MANSC1: variants seen among roughly 807,000 people sequenced by gnomAD.
MANSC1 encodes the protein MANSC domain-containing protein 1.
Under a neutral mutation model 14.1 loss-of-function variants are expected in MANSC1, and 13 were observed. That is an observed-to-expected ratio of 0.92 (90% CI 0.60 to 1.46). The LOEUF (loss-of-function observed/expected upper bound fraction) is 1.46, where lower values mean the gene tolerates loss of function less well. Ranked by LOEUF, MANSC1 falls within the 40% of genes most tolerant of loss-of-function variation. MANSC1 has a pLI of 0.00. For synonymous variants in MANSC1, 227 were observed against 200.7 expected (o/e 1.13, Z -1.11); for missense variants, 486 against 511.4 (o/e 0.95, Z 0.48).
At chr12:12,346,013 C>A (rs1219181313) in intron 1 of MANSC1, among the ~76,000 whole-genome samples, 2 of 152,166 alleles carry the variant, frequency 1.3e-5, no homozygotes, top group Non-Finnish European at 2.9e-5. Context: ...ATGGCTCAAG[C>A]CTGTAATCCC....
intron 2 of MANSC1, among the ~76,000 whole-genome samples, chr12:12,341,039 C>T (rs957060811): frequency 5.9e-5 from 9 of 152,148 alleles, no homozygotes; most frequent in Non-Finnish European, 1.2e-4. Flanking sequence ...CTGACACCAA[C>T]TATCCAGAGC....
At chr12:12,331,724 GGGCCAGGCAGGGTCT>G (rs1325992999) in intron 3 of MANSC1, among the ~76,000 whole-genome samples, 3 of 152,090 alleles carry the variant, frequency 2.0e-5, no homozygotes, top group Non-Finnish European at 2.9e-5. Context: ...GGAGGAGGAG[GGGCCAGGCAGGGTCT>G]GGTCTCCGCT....
At position 12,330,666 on chromosome 12, in the gene MANSC1, C is replaced by G. The variant is rs772521152; in HGVS notation, c.657G>C (p.Leu219=). ...CTGGGAGCGCACTCACATTTTCAGG[C>G]AGCAGATGAGCTATTTCTTGATCAG... is the stretch of plus-strand genomic sequence containing the variant. ...FSSDQEIAHL[L]PENVSALPAT... The change falls in exon 4 of 4, where the codon CTG becomes CTC. Residue 219 remains leucine, a synonymous_variant. Coordinates refer to ENST00000535902, the MANE Select transcript of MANSC1 (RefSeq NM_018050.4). 6.2e-7 allele frequency: 1 copy of G among 1,614,100 alleles called. No individual in the cohort carries two copies. Among genetic ancestry groups the G allele is most frequent in the African/African-American group, 1.3e-5 (1 of 74,930 alleles).
chr12:12,339,634 T>C (rs1037871952), intron 2 of MANSC1, among the ~76,000 whole-genome samples: 5 of 152,206 alleles, frequency 3.3e-5, no homozygotes, highest in Non-Finnish European at 4.4e-5. Flanking sequence ...TAAATTATCA[T>C]AGATATCATG....
At chr12:12,333,714 T>A (rs530627132) in intron 3 of MANSC1, among the ~76,000 whole-genome samples, 1 of 152,320 alleles carries the variant, frequency 6.6e-6, no homozygotes, top group South Asian at 2.1e-4. Context: ...TTCAAACGAC[T>A]TCACTGAGTT....
rs1565791886 is a variant in MANSC1, at chr12:12,330,455, C to G, written c.868G>C (p.Ala290Pro). 1 of 1,614,122 alleles carries G rather than the reference C, an allele frequency of 6.2e-7. No individual in the cohort carries two copies. The change falls in exon 4 of 4, where the codon GCT (alanine) becomes CCT (proline). Residue 290 changes from alanine to proline, a missense_variant. Transcript: ENST00000535902. ...GCCATTGCTTGGAGTGTAGCCGCAG[C>G]CCGTGTAAAAACTGTAGAAATGAGG... is the stretch of plus-strand genomic sequence containing the variant. ...TTLISTVFTR[A>P]AATLQAMATT...
rs116021459 is a variant in MANSC1, at chr12:12,331,007, C to T, written c.365-49G>A. The T allele has an allele frequency of 2.5e-3, 2,894 of 1,161,752 alleles. 65 individuals carry two copies. In the African/African-American group the frequency reaches 0.04, roughly 16 times the overall value. 72.0% of individuals were successfully genotyped at this position (1,161,752 alleles called of 1,614,324 possible). A position where few individuals can be genotyped will look rare whatever the true frequency, so the allele number is the denominator to read the frequency against. ...GGAAGGCTTATGTAACTCCATGCTA[C>T]GGTAGGTTAAAAAAATACAAACATA... On this transcript the variant is annotated intron_variant, in intron 3 of 3. Transcript: ENST00000535902.
At chr12:12,331,955 C>T (rs1862796331) in intron 3 of MANSC1, among the ~76,000 whole-genome samples, 1 of 149,574 alleles carries the variant, frequency 6.7e-6, no homozygotes, top group East Asian at 1.9e-4. Context: ...ACACTGTAGA[C>T]ACAGAGGGCA....
intron 3 of MANSC1, among the ~76,000 whole-genome samples, chr12:12,331,444 C>T (rs976897889): frequency 5.3e-5 from 8 of 152,116 alleles, no homozygotes; most frequent in Admixed American, 1.3e-4. Context: ...AAGGGTTCTC[C>T]GTCTTCCTAA....
At position 12,329,072 on chromosome 12, in the gene MANSC1, C is replaced by A. The variant is rs1330894109; in HGVS notation, c.*955G>T. The A allele has an allele frequency of 2.0e-5, 3 of 151,272 alleles. No individual in the cohort carries two copies. In the East Asian group the frequency reaches 5.8e-4, roughly 29 times the overall value. 9.4% of individuals were successfully genotyped at this position (151,272 alleles called of 1,614,324 possible). On this transcript the variant is annotated 3_prime_UTR_variant, in exon 4 of 4. Coordinates refer to ENST00000535902, the MANE Select transcript of MANSC1 (RefSeq NM_018050.4). ...AAGTGGATATGGCCATTTATCAGAA[C>A]TGACTTATCATTGTCTCCATGTGGG...
chr12:12,341,309 C>A (rs554248907), intron 2 of MANSC1, among the ~76,000 whole-genome samples: 16 of 152,336 alleles, frequency 1.1e-4, no homozygotes, highest in African/African-American at 3.6e-4. Context: ...CTCCTAGAGT[C>A]CCAAGTGCAG....
chr12:12,335,705 G>A (rs926857154), intron 3 of MANSC1, among the ~76,000 whole-genome samples: 3 of 151,528 alleles, frequency 2.0e-5, no homozygotes, highest in African/African-American at 7.3e-5. Context: ...AGCCAGGCAT[G>A]GTGATGCTTG....
At chr12:12,340,929 G>A (rs1313454372) in intron 2 of MANSC1, among the ~76,000 whole-genome samples, 1 of 152,146 alleles carries the variant, frequency 6.6e-6, no homozygotes, top group African/African-American at 2.4e-5. Flanking sequence ...ACTGCTCAAT[G>A]AGACCATCGA....
At position 12,331,079 on chromosome 12, in the gene MANSC1, C is replaced by T. The variant is rs191924053; in HGVS notation, c.365-121G>A. The T allele has an allele frequency of 7.9e-4, 527 of 664,476 alleles. 1 individual carries two copies. The highest frequency in any genetic ancestry group is 2.7e-3 in the African/African-American group (150 of 55,090). The allele number at this position is 664,476 out of a possible 1,614,324, so 41.2% of individuals were successfully genotyped here. On this transcript the variant is annotated intron_variant, in intron 3 of 3. Transcript: ENST00000535902. ...TAAACTGGTTGGCCATGGTGGCTCACGCCTATAATCCCAGCACTTTGGGAG... is the reference window on the plus strand; with the variant it reads ...TAAACTGGTTGGCCATGGTGGCTCATGCCTATAATCCCAGCACTTTGGGAG...
At chr12:12,334,044 T>C (rs1057200637) in intron 3 of MANSC1, among the ~76,000 whole-genome samples, 1 of 150,994 alleles carries the variant, frequency 6.6e-6, no homozygotes, top group Non-Finnish European at 1.5e-5. Context: ...AGGCCAGGAG[T>C]TTGAGACCAG....
At chr12:12,334,055 C>A (rs554533466) in intron 3 of MANSC1, among the ~76,000 whole-genome samples, 3 of 151,446 alleles carry the variant, frequency 2.0e-5, no homozygotes, top group East Asian at 1.9e-4. Flanking sequence ...TTGAGACCAG[C>A]CTGGGCAACA....
chr12:12,344,915 CCATATA>C (rs1445751693), intron 1 of MANSC1, among the ~76,000 whole-genome samples: 43 of 30,056 alleles, frequency 1.4e-3, no homozygotes, highest in African/African-American at 2.8e-3. Context: ...TAATAAACTC[CCATATA>C]TATATATATA....
intron 1 of MANSC1, among the ~76,000 whole-genome samples, chr12:12,346,706 C>T (rs1863014045): frequency 6.6e-6 from 1 of 152,154 alleles, no homozygotes; most frequent in Non-Finnish European, 1.5e-5. Context: ...TACTTTACAC[C>T]TTTCACAAAA....
At chr12:12,331,050 T>A in intron 3 of MANSC1, 92 bp from the exon 4 acceptor site, 1 of 854,778 alleles carries the variant, frequency 1.2e-6, no homozygotes, top group Non-Finnish European at 1.8e-6. Flanking sequence ...GTTCAAAAGA[T>A]CCCTAAACTG....
Sources: gnomAD v4.1 joint callset for allele counts (sites outside exome capture counted in the v4.1 genomes callset) on GRCh38, gnomAD v4.1.1 for gene constraint, MANE v1.5 for transcripts, NCBI Gene and HGNC (gene_info 2026-07-23, HGNC 2026-07-21) for gene names.